TTC28: variants seen among roughly 807,000 people sequenced by gnomAD.
TTC28 encodes the protein tetratricopeptide repeat protein 28.
Under a neutral mutation model 198.0 loss-of-function variants are expected in TTC28, and 61 were observed. The observed-to-expected ratio is 0.31, with a 90% CI of 0.25 to 0.38. The LOEUF (loss-of-function observed/expected upper bound fraction) is 0.38, where lower values mean the gene tolerates loss of function less well. Among genes scored for constraint, TTC28 ranks in the 10% least tolerant of loss-of-function variants. TTC28 has a pLI of 1.00. For missense variants in TTC28, 2,678 were observed against 3,164.0 expected, an observed-to-expected ratio of 0.85 and a Z score of 3.69; for synonymous variants, 1,171 against 1,297.8, an observed-to-expected ratio of 0.90 and a Z score of 2.10.
chr22:28,382,502 T>C (rs934840181), intron 2 of TTC28, among the ~76,000 whole-genome samples: 1 of 152,206 alleles, frequency 6.6e-6, no homozygotes, highest in Non-Finnish European at 1.5e-5. Context: ...GCATTATCCA[T>C]GGACTTGACC....
intron 2 of TTC28, among the ~76,000 whole-genome samples, chr22:28,382,168 C>T (rs561466689): frequency 6.6e-6 from 1 of 152,224 alleles, no homozygotes; most frequent in East Asian, 1.9e-4. Context: ...TGGTAAGATC[C>T]AAGCTGTCAA....
chr22:28,646,060 G>A (rs916735801), intron 1 of TTC28, among the ~76,000 whole-genome samples: 3 of 152,052 alleles, frequency 2.0e-5, no homozygotes, highest in Non-Finnish European at 4.4e-5. Flanking sequence ...CAGTACTGAG[G>A]ATCCTAGCCA....
intron 2 of TTC28, among the ~76,000 whole-genome samples, chr22:28,454,188 C>G (rs1045284379): frequency 1.3e-5 from 2 of 152,272 alleles, no homozygotes; most frequent in Non-Finnish European, 2.9e-5. Context: ...TTTAGTTTGT[C>G]TTCTTCAAGC....
chr22:28,292,719 G>C (rs577314880), intron 5 of TTC28, among the ~76,000 whole-genome samples: 2 of 152,094 alleles, frequency 1.3e-5, no homozygotes, highest in Non-Finnish European at 2.9e-5. Flanking sequence ...ACCAGTTTCT[G>C]CCCCTCTAGA....
chr22:28,649,042 G>A (rs2051525665), intron 1 of TTC28, among the ~76,000 whole-genome samples: 2 of 152,216 alleles, frequency 1.3e-5, no homozygotes, highest in African/African-American at 4.8e-5. Flanking sequence ...AATGTCTGCT[G>A]CAGCAACTTG....
chr22:28,257,801 T>TA (rs1384621840), intron 5 of TTC28, among the ~76,000 whole-genome samples: 5 of 114,016 alleles, frequency 4.4e-5, no homozygotes, highest in Non-Finnish European at 9.0e-5. Context: ...CAATAAAAAA[T>TA]AAAAAAAGAA....
intron 5 of TTC28, among the ~76,000 whole-genome samples, chr22:28,188,831 C>T (rs1924453327): frequency 6.6e-6 from 1 of 152,172 alleles, no homozygotes; most frequent in South Asian, 2.1e-4. Flanking sequence ...TAAGAAAAAG[C>T]TCACCATCGT....
At chr22:28,204,494 C>G (rs1282095471) in intron 5 of TTC28, among the ~76,000 whole-genome samples, 1 of 152,100 alleles carries the variant, frequency 6.6e-6, no homozygotes, top group Non-Finnish European at 1.5e-5. Flanking sequence ...CCATATTGCA[C>G]TGGAACTGTA....
chr22:28,489,983 C>A (rs372742831), intron 2 of TTC28, among the ~76,000 whole-genome samples: 1 of 152,048 alleles, frequency 6.6e-6, no homozygotes, highest in Non-Finnish European at 1.5e-5. Context: ...AACTTGGAGT[C>A]CGATGTTCGA....
In TTC28 at chr22:27,998,702, C is replaced by T. The variant is rs889103638; in HGVS notation, c.4957G>A (p.Val1653Ile). ...GGCACAGGCCACAGAGACACGAGGA[C>T]ACACTGAGCGCCGGCAGCCAGGAAG... is the stretch of plus-strand genomic sequence containing the variant. ...RAFLAAGAQC[V>I]LVSLWPVPVA... Residue 1653 changes from valine to isoleucine, a missense_variant, in exon 16 of 23, where the codon GTC becomes ATC. Coordinates refer to ENST00000397906, the MANE Select transcript of TTC28 (RefSeq NM_001145418.2). 5 of 1,550,808 alleles carry T rather than the reference C, an allele frequency of 3.2e-6. No homozygotes were observed. In the African/African-American group the frequency reaches 5.5e-5, roughly 17 times the overall value.
intron 5 of TTC28, among the ~76,000 whole-genome samples, chr22:28,281,486 C>T (rs2044581980): frequency 6.6e-6 from 1 of 152,076 alleles, no homozygotes; most frequent in Non-Finnish European, 1.5e-5. Context: ...TCTTTATAAG[C>T]ATATTTTACT....
intron 2 of TTC28, among the ~76,000 whole-genome samples, chr22:28,307,937 T>A (rs2145813116): frequency 6.6e-6 from 1 of 152,062 alleles, no homozygotes; most frequent in Non-Finnish European, 1.5e-5. Flanking sequence ...ACACAGAGAG[T>A]GAGAAAGCAC....
chr22:28,174,924 G>C (rs1383521886), intron 5 of TTC28, among the ~76,000 whole-genome samples: 1 of 151,448 alleles, frequency 6.6e-6, no homozygotes, highest in Non-Finnish European at 1.5e-5. Flanking sequence ...ATTCATTCTT[G>C]CATTCAAGAA....
chr22:28,063,455 C>T (rs1940628715), intron 12 of TTC28, among the ~76,000 whole-genome samples: 1 of 152,168 alleles, frequency 6.6e-6, no homozygotes, highest in Non-Finnish European at 1.5e-5. Flanking sequence ...TGTTTTGACA[C>T]CCCTCCAGAA....
At chr22:28,478,952 TA>T (rs2048205259) in intron 2 of TTC28, among the ~76,000 whole-genome samples, 1 of 152,228 alleles carries the variant, frequency 6.6e-6, no homozygotes, top group Admixed American at 6.5e-5. Context: ...TTCATTTGTT[TA>T]TGTTCTGTCT....
At chr22:28,041,973 G>GA (rs1293995944) in intron 12 of TTC28, among the ~76,000 whole-genome samples, 1 of 152,002 alleles carries the variant, frequency 6.6e-6, no homozygotes, top group Non-Finnish European at 1.5e-5. Context: ...ACAGACATAT[G>GA]AAAAAATGCT....
chr22:28,669,696 G>T (rs776687901), intron 1 of TTC28, among the ~76,000 whole-genome samples: 3 of 152,134 alleles, frequency 2.0e-5, no homozygotes, highest in Non-Finnish European at 4.4e-5. Context: ...TTAAATGTAA[G>T]TTCAAATACC....
chr22:28,580,043 CAG>C (rs1470631481), intron 2 of TTC28, among the ~76,000 whole-genome samples: 3 of 151,706 alleles, frequency 2.0e-5, no homozygotes, highest in African/African-American at 7.3e-5. Context: ...ACTAGATAAA[CAG>C]ATTATTTCAA....
chr22:28,217,765 A>G (rs1441332336), intron 5 of TTC28, among the ~76,000 whole-genome samples: 2 of 152,242 alleles, frequency 1.3e-5, no homozygotes, highest in African/African-American at 2.4e-5. Flanking sequence ...AGTACATAAC[A>G]ATGTTTAATG....
Sources: allele counts gnomAD v4.1 joint callset (sites outside exome capture counted in the v4.1 genomes callset), GRCh38; gene constraint gnomAD v4.1.1; transcripts MANE v1.5; gene names NCBI Gene and HGNC (gene_info 2026-07-23, HGNC 2026-07-21).